Variants in EML6 observed in about 807,000 individuals in gnomAD.
EML6 encodes EMAP like 6.
In EML6, 154 loss-of-function variants were observed where a neutral mutation model predicts 240.1. The observed-to-expected ratio is 0.64, with a 90% CI of 0.56 to 0.73. The LOEUF (loss-of-function observed/expected upper bound fraction) is 0.73, where lower values mean the gene tolerates loss of function less well. EML6 is among the 30% of genes least tolerant of loss of function. EML6 has a pLI of 0.00. For synonymous variants in EML6, 1,148 were observed against 899.0 expected, an observed-to-expected ratio of 1.28 and a Z score of -4.95; for missense variants, 2,964 against 2,474.6, an observed-to-expected ratio of 1.20 and a Z score of -4.20.
intron 28 of EML6, among the ~76,000 whole-genome samples, chr2:54,929,110 G>A (rs1674719420): frequency 6.6e-6 from 1 of 152,214 alleles, no homozygotes; most frequent in Non-Finnish European, 1.5e-5. Flanking sequence ...TAGGAGGGAG[G>A]ACAGGATTCT....
At chr2:54,956,255 CA>C (rs1676228890) in intron 32 of EML6, among the ~76,000 whole-genome samples, 1 of 1,640 alleles carries the variant, frequency 6.1e-4, no homozygotes, top group Non-Finnish European at 1.2e-3. Flanking sequence ...GCACTTCTCC[CA>C]TGACTGGTGA....
intron 2 of EML6, among the ~76,000 whole-genome samples, chr2:54,803,148 G>T (rs1383752913): frequency 6.6e-6 from 1 of 152,120 alleles, no homozygotes; most frequent in Non-Finnish European, 1.5e-5. Flanking sequence ...GAAGGGGAAG[G>T]GAGTTGTTCT....
chr2:54,731,621 A>ATAT (rs145531196), intron 2 of EML6, among the ~76,000 whole-genome samples: 2 of 151,454 alleles, frequency 1.3e-5, no homozygotes, highest in African/African-American at 2.4e-5. Flanking sequence ...TGTCAAAAAA[A>ATAT]ATATATATAT....
At chr2:54,915,570 C>G (rs539198479) in intron 25 of EML6, among the ~76,000 whole-genome samples, 1 of 152,060 alleles carries the variant, frequency 6.6e-6, no homozygotes, top group Non-Finnish European at 1.5e-5. Flanking sequence ...AGTCACAGGA[C>G]CAGATTCAGA....
rs1489506190 is a variant in EML6 at position 54,891,051 on chromosome 2, C to T, written c.2439-3C>T. The T allele has an allele frequency of 3.6e-6, 5 of 1,390,436 alleles. No homozygotes were observed. Among genetic ancestry groups the T allele is most frequent in the Non-Finnish European group, 4.9e-6 (5 of 1,016,650 alleles). 86.1% of individuals were successfully genotyped at this position (1,390,436 alleles called of 1,614,324 possible). Reference sequence around the variant, plus strand: ...AATCTTATTTCCTATTTGTCTCTTACAGAGGACATAAAGATAAGATATTTG... The same window carrying T: ...AATCTTATTTCCTATTTGTCTCTTATAGAGGACATAAAGATAAGATATTTG... On this transcript the variant is annotated splice_region_variant and splice_polypyrimidine_tract_variant and intron_variant, in intron 17 of 41. Transcript: ENST00000356458.
intron 2 of EML6, among the ~76,000 whole-genome samples, chr2:54,727,671 A>G (rs953976099): frequency 2.0e-5 from 3 of 152,254 alleles, no homozygotes; most frequent in African/African-American, 4.8e-5. Flanking sequence ...GAATCATTAC[A>G]TGAATATCAA....
At chr2:54,792,560 G>A (rs554123340) in intron 2 of EML6, among the ~76,000 whole-genome samples, 48 of 152,330 alleles carry the variant, frequency 3.2e-4, no homozygotes, top group African/African-American at 1.1e-3. Context: ...GGGAAATTTG[G>A]AGGTGATAGA....
intron 2 of EML6, among the ~76,000 whole-genome samples, chr2:54,794,117 A>C (rs1441182721): frequency 6.6e-6 from 1 of 152,180 alleles, no homozygotes; most frequent in East Asian, 1.9e-4. Flanking sequence ...CCAGTGAAGT[A>C]AGTTGTGTTA....
At chr2:54,959,021 G>T in intron 33 of EML6, 83 bp from the exon 34 acceptor site, 1 of 1,315,412 alleles carries the variant, frequency 7.6e-7, no homozygotes. Flanking sequence ...CTCTAGCTCT[G>T]GTTCCTTAAT....
intron 19 of EML6, 123 bp from the exon 20 acceptor site, chr2:54,894,792 T>C: frequency 1.6e-6 from 1 of 616,442 alleles, no homozygotes; most frequent in Non-Finnish European, 2.9e-6. Flanking sequence ...GAGTTTTCCA[T>C]CTCATATATT....
chr2:54,930,890 C>G (rs1006399311), intron 28 of EML6, among the ~76,000 whole-genome samples: 4 of 151,786 alleles, frequency 2.6e-5, no homozygotes, highest in Non-Finnish European at 5.9e-5. Flanking sequence ...AACAAGCAGA[C>G]TCCACCAGTC....
chr2:54,937,915 C>G (rs988452960), intron 28 of EML6, among the ~76,000 whole-genome samples: 1 of 152,148 alleles, frequency 6.6e-6, no homozygotes, highest in Admixed American at 6.5e-5. Flanking sequence ...AACTTGGCTC[C>G]CCTTGGATTT....
chr2:54,861,894 T>G (rs78448268), intron 12 of EML6, among the ~76,000 whole-genome samples: 2 of 151,924 alleles, frequency 1.3e-5, no homozygotes, highest in African/African-American at 4.8e-5. Context: ...AGTAGAGATA[T>G]GTGATTTACC....
At chr2:54,750,618 G>A (rs180705869) in intron 2 of EML6, among the ~76,000 whole-genome samples, 23 of 152,238 alleles carry the variant, frequency 1.5e-4, no homozygotes, top group Non-Finnish European at 2.8e-4. Flanking sequence ...CTCTCCGGTC[G>A]TTGGCCTCAT....
chr2:54,784,250 C>T (rs752551881), intron 2 of EML6, among the ~76,000 whole-genome samples: 1 of 152,068 alleles, frequency 6.6e-6, no homozygotes, highest in Non-Finnish European at 1.5e-5. Context: ...CTGGCCTGAA[C>T]TGTTCTTTAA....
chr2:54,925,567 C>T (rs1674499884), intron 26 of EML6, among the ~76,000 whole-genome samples: 1 of 152,156 alleles, frequency 6.6e-6, no homozygotes, highest in African/African-American at 2.4e-5. Context: ...GTGGGCATCT[C>T]TTCCGGGCAT....
At chr2:54,897,502 G>T (rs554175013) in intron 21 of EML6, among the ~76,000 whole-genome samples, 1 of 152,170 alleles carries the variant, frequency 6.6e-6, no homozygotes, top group African/African-American at 2.4e-5. Context: ...CACATGCTAA[G>T]AACTGCAGAG....
In EML6 at chr2:54,724,250, ATTAT is replaced by A. The variant is rs1251051154; in HGVS notation, c.-513-297_-513-294del. Among the ~76,000 whole-genome samples, 1 of 152,012 alleles carries A rather than the reference ATTAT, an allele frequency of 6.6e-6. No individual in the cohort carries two copies. Among genetic ancestry groups the A allele is most frequent in the Non-Finnish European group, 1.5e-5 (1 of 68,000 alleles). On this transcript the variant is annotated intron_variant, in intron 1 of 41. Transcript: ENST00000356458. This position sits in a 1 kb window ranked among gnomAD's most constrained non-coding sequence, Gnocchi z 5.2. ...GAAGAGAAGGTTCACGGAGGATATG[ATTAT>A]TAAACACACACATGAAAACTAATTG... is the stretch of plus-strand genomic sequence containing the variant.
At chr2:54,842,429 A>G (rs1022226765) in intron 7 of EML6, among the ~76,000 whole-genome samples, 2 of 152,216 alleles carry the variant, frequency 1.3e-5, no homozygotes, top group Non-Finnish European at 2.9e-5. Context: ...AATTGGAATG[A>G]CAGATTACTT....
Sources: allele counts gnomAD v4.1 joint callset (sites outside exome capture counted in the v4.1 genomes callset), GRCh38; gene constraint gnomAD v4.1.1; non-coding constraint Gnocchi (gnomAD v3.1); transcripts MANE v1.5; gene names NCBI Gene and HGNC (gene_info 2026-07-23, HGNC 2026-07-21).